The following FUT9 variants were observed in gnomAD, a reference collection of about 807,000 sequenced individuals.
The protein encoded by FUT9 is 4-galactosyl-N-acetylglucosaminide 3-alpha-L-fucosyltransferase 9.
FUT9 carries 15 observed loss-of-function variants against 29.7 expected under a neutral mutation model. The ratio of observed to expected loss-of-function variants is 0.51; its 90% confidence interval spans 0.34 to 0.78. The LOEUF is 0.78. FUT9 is among the 30% of genes least tolerant of loss of function. The pLI is 0.01. For synonymous variants in FUT9, 169 were observed against 153.7 expected, an observed-to-expected ratio of 1.10 and a Z score of -0.74; for missense variants, 319 against 425.4, an observed-to-expected ratio of 0.75 and a Z score of 2.20.
At chr6:96,185,949 A>C (rs1234265911) in intron 2 of FUT9, among the ~76,000 whole-genome samples, 1 of 152,036 alleles carries the variant, frequency 6.6e-6, no homozygotes, top group African/African-American at 2.4e-5. Context: ...TATAAGAAAA[A>C]TCCTCCCCTC....
At chr6:96,082,236 G>T (rs556879475) in intron 1 of FUT9, among the ~76,000 whole-genome samples, 2 of 151,664 alleles carry the variant, frequency 1.3e-5, no homozygotes, top group African/African-American at 4.8e-5. Context: ...TTCAACCCTT[G>T]AAGTGCGGTG....
At chr6:96,067,146 AT>A (rs1477153093) in intron 1 of FUT9, among the ~76,000 whole-genome samples, 1 of 149,132 alleles carries the variant, frequency 6.7e-6, no homozygotes, top group African/African-American at 2.4e-5. Context: ...ACATATATAT[AT>A]ATTTATATAT....
At chr6:96,186,653 G>C (rs1293538434) in intron 2 of FUT9, among the ~76,000 whole-genome samples, 1 of 152,112 alleles carries the variant, frequency 6.6e-6, no homozygotes, top group Non-Finnish European at 1.5e-5. Flanking sequence ...ACAATCTGCT[G>C]TCTGCAACCT....
intron 2 of FUT9, among the ~76,000 whole-genome samples, chr6:96,193,444 A>AAAGC (rs1773558388): frequency 8.1e-6 from 1 of 123,080 alleles, no homozygotes; most frequent in Non-Finnish European, 1.7e-5. Flanking sequence ...CAAAAAACAG[A>AAAGC]TGAAAAAATG....
chr6:96,046,221 G>GCACACACACA (rs139036869), intron 1 of FUT9, among the ~76,000 whole-genome samples: 35 of 148,192 alleles, frequency 2.4e-4, no homozygotes, highest in East Asian at 1.0e-3. Context: ...ACACAGATAT[G>GCACACACACA]CACACACACA....
intron 1 of FUT9, chr6:96,020,688 G>C (rs1034392074): frequency 6.6e-6 from 1 of 152,012 alleles, no homozygotes; most frequent in Non-Finnish European, 1.5e-5. Context: ...GACATATTTT[G>C]ATATCTCCAT....
chr6:96,130,729 T>C (rs1772227253), intron 2 of FUT9, among the ~76,000 whole-genome samples: 1 of 152,190 alleles, frequency 6.6e-6, no homozygotes, highest in Non-Finnish European at 1.5e-5. Flanking sequence ...TTGAACTACA[T>C]ACACATGTTT....
intron 2 of FUT9, among the ~76,000 whole-genome samples, chr6:96,129,264 C>CA (rs869216525): frequency 0.022 from 296 of 13,316 alleles, 8 homozygotes; most frequent in Non-Finnish European, 0.027. Flanking sequence ...GACTCTGTCT[C>CA]AAAAAAAAAA....
rs1018718470 is a variant in FUT9 at position 96,103,460 on chromosome 6, G to T, written c.-97-10579G>T. On this transcript the variant is annotated intron_variant, in intron 1 of 2. Transcript: ENST00000302103. ...CTGCCATAATAAATAACCACAAACT[G>T]GGTGGCTTCAAACAACAAACATTTA... Among the ~76,000 whole-genome samples the T allele has an allele frequency of 6.9e-4, 105 of 152,082 alleles. 4 individuals are homozygous for T. The highest frequency in any genetic ancestry group is 1.0e-4 in the Non-Finnish European group (7 of 68,022).
chr6:96,146,626 G>T (rs1274273149), intron 2 of FUT9, among the ~76,000 whole-genome samples: 1 of 151,990 alleles, frequency 6.6e-6, no homozygotes, highest in Non-Finnish European at 1.5e-5. Flanking sequence ...ATTAATTCTG[G>T]AGTGCCACTT....
chr6:96,157,874 C>G (rs1391693290), intron 2 of FUT9, among the ~76,000 whole-genome samples: 1 of 152,074 alleles, frequency 6.6e-6, no homozygotes, highest in Non-Finnish European at 1.5e-5. Context: ...GAGACAGGCT[C>G]ATTTTTGCTT....
intron 1 of FUT9, among the ~76,000 whole-genome samples, chr6:96,109,094 T>G (rs1771749529): frequency 6.6e-6 from 1 of 152,244 alleles, no homozygotes; most frequent in Non-Finnish European, 1.5e-5. Flanking sequence ...TGACCTCTTT[T>G]GGCAGCAATG....
At chr6:96,121,749 G>C (rs1772032639) in intron 2 of FUT9, among the ~76,000 whole-genome samples, 1 of 151,976 alleles carries the variant, frequency 6.6e-6, no homozygotes, top group Non-Finnish European at 1.5e-5. Context: ...ACAGTAGGAT[G>C]CTAATTTAAA....
chr6:96,091,521 C>T lies in FUT9; in HGVS notation c.-97-22518C>T, dbSNP rs148882560. 2.6e-5 allele frequency among the ~76,000 whole-genome samples: 4 copies of T among 152,160 alleles called. No homozygotes were observed. The East Asian group carries it at 7.7e-4, about 29-fold the overall frequency. ...TATGAGCCCCATATTATGTGATATGCAATTATCATTGCCTTTATGGGTATG... is the reference window on the plus strand; with the variant it reads ...TATGAGCCCCATATTATGTGATATGTAATTATCATTGCCTTTATGGGTATG... On this transcript the variant is annotated intron_variant, in intron 1 of 2. Transcript: ENST00000302103.
At chr6:96,119,511 T>A (rs1487987201) in intron 2 of FUT9, among the ~76,000 whole-genome samples, 2 of 152,170 alleles carry the variant, frequency 1.3e-5, no homozygotes, top group East Asian at 3.8e-4. Context: ...CACATGACTG[T>A]ATATAAAGTG....
chr6:96,144,646 C>T (rs984713680), intron 2 of FUT9, among the ~76,000 whole-genome samples: 13 of 151,970 alleles, frequency 8.6e-5, no homozygotes, highest in African/African-American at 3.1e-4. Context: ...TGGGAGGAGG[C>T]TAATTATAAA....
intron 1 of FUT9, among the ~76,000 whole-genome samples, chr6:96,030,774 CAAT>C (rs1770247514): frequency 6.6e-6 from 1 of 151,382 alleles, no homozygotes; most frequent in African/African-American, 2.4e-5. Flanking sequence ...TATATTCATA[CAAT>C]GACATACTAC....
rs1773189045 is a variant in FUT9 at position 96,175,577 on chromosome 6, A to G, written c.-8-27571A>G. On this transcript the variant is annotated intron_variant, in intron 2 of 2. Transcript: ENST00000302103. Reference sequence around the variant, plus strand: ...GGGCACCTAGTTTAATGTAGATTTAATAGGCATGTACATTGAAAATATAGA... The same window carrying G: ...GGGCACCTAGTTTAATGTAGATTTAGTAGGCATGTACATTGAAAATATAGA... 2.0e-5 allele frequency among the ~76,000 whole-genome samples: 3 copies of G among 152,226 alleles called. No individual in the cohort carries two copies. In the South Asian group the frequency reaches 6.2e-4, roughly 32 times the overall value.
chr6:96,122,237 T>C (rs944950870), intron 2 of FUT9, among the ~76,000 whole-genome samples: 7 of 152,190 alleles, frequency 4.6e-5, no homozygotes, highest in African/African-American at 1.7e-4. Context: ...AACACATGAA[T>C]AGAATTTGGA....
Sources: gnomAD v4.1 joint callset for allele counts (sites outside exome capture counted in the v4.1 genomes callset) on GRCh38, gnomAD v4.1.1 for gene constraint, MANE v1.5 for transcripts, NCBI Gene and HGNC (gene_info 2026-07-23, HGNC 2026-07-21) for gene names.